The following NOL4L variants were observed in gnomAD, a reference collection of about 807,000 sequenced individuals.
NOL4L encodes the protein nucleolar protein 4-like.
A neutral mutation model predicts 64.5 loss-of-function variants in NOL4L; 7 were observed. The observed-to-expected ratio is 0.11, with a 90% confidence interval of 0.06 to 0.20. The LOEUF (loss-of-function observed/expected upper bound fraction) is 0.20, where lower values mean the gene tolerates loss of function less well. Ranked by LOEUF, NOL4L falls within the 10% of genes least tolerant of loss-of-function variation. The probability of loss-of-function intolerance (pLI) is 1.00; values close to 1 mark genes in which losing one functional copy is unlikely to be tolerated. For synonymous variants in NOL4L, 413 were observed against 401.0 expected, an observed-to-expected ratio of 1.03 and a Z score of -0.36; for missense variants, 680 against 967.1, an observed-to-expected ratio of 0.70 and a Z score of 3.94.
At position 32,447,191 on chromosome 20, in the gene NOL4L, G is replaced by T; in HGVS notation, c.*405C>A. The T allele has an allele frequency of 4.3e-6, 2 of 467,354 alleles. No individual in the cohort carries two copies. The highest frequency in any genetic ancestry group is 4.2e-6 in the Non-Finnish European group (1 of 235,450). The allele number at this position is 467,354 out of a possible 1,614,324, so 29.0% of individuals were successfully genotyped here. A position where few individuals can be genotyped will look rare whatever the true frequency, so the allele number is the denominator to read the frequency against. On this transcript the variant is annotated 3_prime_UTR_variant, in exon 11 of 11. Transcript: ENST00000621426. ...ATTACTAAGGGGAGAGGAAGAAAGG[G>T]TCCACTTTGCTTTTCTCAATAAATA...
chr20:32,584,095 T>TCCCC (rs1194458873), intron 1 of NOL4L, among the ~76,000 whole-genome samples: 1 of 32,430 alleles, frequency 3.1e-5, no homozygotes, highest in Non-Finnish European at 6.2e-5. Flanking sequence ...CCTGCCTCCC[T>TCCCC]CCCCCCCCCC....
At chr20:32,471,104 CCTAA>C (rs1487154689) in intron 5 of NOL4L, among the ~76,000 whole-genome samples, 1 of 152,172 alleles carries the variant, frequency 6.6e-6, no homozygotes, top group African/African-American at 2.4e-5. Flanking sequence ...GGGGCAGAAG[CCTAA>C]CTGTGTTTCA....
chr20:32,517,339 C>T (rs1445638206), intron 3 of NOL4L, among the ~76,000 whole-genome samples: 3 of 152,238 alleles, frequency 2.0e-5, no homozygotes, highest in Non-Finnish European at 4.4e-5. Context: ...GGGGCTGGTG[C>T]AGGCTCTGCT....
intron 6 of NOL4L, among the ~76,000 whole-genome samples, chr20:32,455,394 T>C (rs1470030458): frequency 6.6e-6 from 1 of 152,108 alleles, no homozygotes; most frequent in Non-Finnish European, 1.5e-5. Context: ...ACATTCCAAA[T>C]GAGGCAGGCA....
At chr20:32,544,158 G>A (rs1404347207) in intron 1 of NOL4L, among the ~76,000 whole-genome samples, 2 of 152,122 alleles carry the variant, frequency 1.3e-5, no homozygotes, top group African/African-American at 2.4e-5. Context: ...CTGACTGCTC[G>A]TGGAAAATGG....
intron 3 of NOL4L, among the ~76,000 whole-genome samples, chr20:32,513,680 T>G (rs1470009016): frequency 6.6e-6 from 1 of 151,888 alleles, no homozygotes; most frequent in Non-Finnish European, 1.5e-5. Context: ...CTGGGAAACA[T>G]AGTGAGTCCC....
intron 4 of NOL4L, among the ~76,000 whole-genome samples, chr20:32,493,192 C>T (rs776318323): frequency 1.3e-5 from 2 of 152,182 alleles, no homozygotes; most frequent in African/African-American, 4.8e-5. Flanking sequence ...AGGTAAGGAC[C>T]CTCCACAGGC....
intron 4 of NOL4L, among the ~76,000 whole-genome samples, chr20:32,480,129 CT>C (rs2015626249): frequency 6.6e-6 from 1 of 152,214 alleles, no homozygotes; most frequent in African/African-American, 2.4e-5. Flanking sequence ...GTCAATTTCT[CT>C]GGAACTGGGT....
At chr20:32,563,627 C>T (rs958157602) in intron 1 of NOL4L, among the ~76,000 whole-genome samples, 3 of 152,082 alleles carry the variant, frequency 2.0e-5, no homozygotes, top group Non-Finnish European at 2.9e-5. Context: ...GTGGTGACAA[C>T]GGCAGTAATC....
intron 5 of NOL4L, among the ~76,000 whole-genome samples, chr20:32,457,555 A>C (rs2013667192): frequency 6.7e-6 from 1 of 150,134 alleles, no homozygotes; most frequent in Non-Finnish European, 1.5e-5. Flanking sequence ...ATGGCGACCG[A>C]GCGGCTCTAG....
chr20:32,505,381 A>G (rs142610833), intron 4 of NOL4L, among the ~76,000 whole-genome samples: 1 of 152,376 alleles, frequency 6.6e-6, no homozygotes, highest in African/African-American at 2.4e-5. Flanking sequence ...ATACAAATAC[A>G]ATAAACAAAA....
At chr20:32,579,023 A>G (rs1180553551) in intron 1 of NOL4L, among the ~76,000 whole-genome samples, 1 of 152,084 alleles carries the variant, frequency 6.6e-6, no homozygotes. Context: ...AGCTGCTGAG[A>G]CTCCGGGGAT....
At chr20:32,474,978 G>A in intron 4 of NOL4L, 1 of 985,042 alleles carries the variant, frequency 1.0e-6, no homozygotes, top group Non-Finnish European at 1.2e-6. Context: ...TGTAATTGAA[G>A]ACAATTATGA....
At chr20:32,459,924 G>T (rs1051391340) in intron 5 of NOL4L, among the ~76,000 whole-genome samples, 1 of 152,216 alleles carries the variant, frequency 6.6e-6, no homozygotes, top group African/African-American at 2.4e-5. Context: ...CCATGAAAAT[G>T]AATGAAGTTT....
At chr20:32,558,957 G>A (rs866660904) in intron 1 of NOL4L, among the ~76,000 whole-genome samples, 7 of 152,294 alleles carry the variant, frequency 4.6e-5, no homozygotes, top group Middle Eastern at 3.4e-3. Context: ...AAGGTGAGCC[G>A]ATTGCAGATG....
At chr20:32,581,990 C>G (rs991511728) in intron 1 of NOL4L, 1 of 152,222 alleles carries the variant, frequency 6.6e-6, no homozygotes, top group Non-Finnish European at 1.5e-5. Flanking sequence ...CCCCAGAATT[C>G]CCAGCAGGAT....
intron 1 of NOL4L, among the ~76,000 whole-genome samples, chr20:32,534,691 C>T (rs1010728114): frequency 6.6e-6 from 1 of 151,584 alleles, no homozygotes; most frequent in Admixed American, 6.6e-5. Flanking sequence ...ACTCCCCCCA[C>T]CCCCCGCCGC....
chr20:32,509,651 C>A, intron 4 of NOL4L: 1 of 793,700 alleles, frequency 1.3e-6, no homozygotes, highest in South Asian at 1.9e-5. Flanking sequence ...CGTTAAAGCA[C>A]CTAACCCATA....
chr20:32,563,132 G>GAGTGGGGAA (rs1979173938), intron 1 of NOL4L, among the ~76,000 whole-genome samples: 1 of 16,476 alleles, frequency 6.1e-5, no homozygotes, highest in Non-Finnish European at 1.2e-4. Flanking sequence ...AGGGCAGGGA[G>GAGTGGGGAA]GCTGGAGGGA....
Sources: allele counts gnomAD v4.1 joint callset (sites outside exome capture counted in the v4.1 genomes callset), GRCh38; gene constraint gnomAD v4.1.1; transcripts MANE v1.5; gene names NCBI Gene and HGNC (gene_info 2026-07-23, HGNC 2026-07-21).